Variants in SPOPL observed in about 807,000 individuals in gnomAD.
The protein encoded by SPOPL is speckle-type POZ protein-like.
In SPOPL, 23 loss-of-function variants were observed where a neutral mutation model predicts 53.8. That is an observed-to-expected ratio of 0.43 (90% confidence interval 0.31 to 0.61). The LOEUF (loss-of-function observed/expected upper bound fraction) is 0.61. Ranked by LOEUF, SPOPL falls within the 20% of genes least tolerant of loss-of-function variation. SPOPL has a pLI of 0.12. For missense variants in SPOPL, 442 were observed against 466.9 expected (o/e 0.95, Z 0.49); for synonymous variants, 164 against 149.7 (o/e 1.10, Z -0.70).
At chr2:138,516,391 G>A (rs1684438344) in intron 1 of SPOPL, among the ~76,000 whole-genome samples, 1 of 152,186 alleles carries the variant, frequency 6.6e-6, no homozygotes, top group Non-Finnish European at 1.5e-5. Context: ...TTAAATTGAT[G>A]ACAGAACAGG....
intron 1 of SPOPL, among the ~76,000 whole-genome samples, chr2:138,542,723 T>C (rs1258930411): frequency 1.3e-5 from 2 of 152,224 alleles, no homozygotes; most frequent in Non-Finnish European, 1.5e-5. Context: ...TTGGAGCATT[T>C]AGCCCATTTA....
intron 4 of SPOPL, among the ~76,000 whole-genome samples, chr2:138,551,689 C>A (rs1204027384): frequency 6.6e-6 from 1 of 152,018 alleles, no homozygotes; most frequent in African/African-American, 2.4e-5. Flanking sequence ...AGAAAATTCA[C>A]ATTCACATAC....
intron 4 of SPOPL, 108 bp downstream of exon 4, chr2:138,551,162 C>A: frequency 7.9e-7 from 1 of 1,262,318 alleles, no homozygotes; most frequent in Non-Finnish European, 1.1e-6. Context: ...CTAAAATCTG[C>A]TTAACCTGAA....
Position 138,522,656 on chromosome 2 carries a change from T to C in SPOPL, c.-61+20537T>C, listed in dbSNP as rs186041667. Among the ~76,000 whole-genome samples the C allele has an allele frequency of 5.3e-5, 8 of 152,306 alleles. No homozygotes were observed. The East Asian group carries it at 1.5e-3, about 29-fold the overall frequency. ...TCAGCTGTTGCCATTACTGCATCTT[T>C]AACCACCCCCTCTTCTTGCCCCTGC... On this transcript the variant is annotated intron_variant, in intron 1 of 10. Coordinates refer to ENST00000280098, the MANE Select transcript of SPOPL (RefSeq NM_001001664.3).
intron 1 of SPOPL, among the ~76,000 whole-genome samples, chr2:138,523,274 A>G (rs947922300): frequency 6.6e-6 from 1 of 152,180 alleles, no homozygotes; most frequent in African/African-American, 2.4e-5. Flanking sequence ...ATGAGATCTC[A>G]TGAGACTTAC....
chr2:138,540,543 T>C (rs1685047440), intron 1 of SPOPL, among the ~76,000 whole-genome samples: 1 of 151,026 alleles, frequency 6.6e-6, no homozygotes, highest in South Asian at 2.1e-4. Context: ...TTTGGTTCTC[T>C]GTCTGTTATT....
chr2:138,527,714 A>G lies in SPOPL; in HGVS notation c.-60-22443A>G, dbSNP rs540085047. On this transcript the variant is annotated intron_variant, in intron 1 of 10. Coordinates refer to ENST00000280098, the MANE Select transcript of SPOPL (RefSeq NM_001001664.3). ...CTCTTTTATCTATTAGTTTTCCCCAAATGTCTGTTATCCTTGGCTTTCCGT... is the reference window on the plus strand; with the variant it reads ...CTCTTTTATCTATTAGTTTTCCCCAGATGTCTGTTATCCTTGGCTTTCCGT... 3.3e-4 allele frequency among the ~76,000 whole-genome samples: 50 copies of G among 152,126 alleles called. 1 individual carries two copies. In the South Asian group the frequency reaches 7.7e-3, roughly 23 times the overall value.
At chr2:138,513,319 C>T (rs1419004713) in intron 1 of SPOPL, among the ~76,000 whole-genome samples, 1 of 152,078 alleles carries the variant, frequency 6.6e-6, no homozygotes, top group African/African-American at 2.4e-5. Context: ...TTTGGGAGGC[C>T]GAGGCCGGTG....
At chr2:138,523,813 T>C (rs1684610405) in intron 1 of SPOPL, among the ~76,000 whole-genome samples, 1 of 152,204 alleles carries the variant, frequency 6.6e-6, no homozygotes, top group Non-Finnish European at 1.5e-5. Flanking sequence ...GTTCTGCCCC[T>C]GTGGTTTTGC....
intron 1 of SPOPL, among the ~76,000 whole-genome samples, chr2:138,514,508 C>A (rs1419714613): frequency 6.6e-6 from 1 of 152,166 alleles, no homozygotes; most frequent in East Asian, 1.9e-4. Context: ...TTCACAGATT[C>A]AAGCATGTTG....
At chr2:138,562,522 C>T (rs1474100597) in intron 8 of SPOPL, among the ~76,000 whole-genome samples, 17 of 152,054 alleles carry the variant, frequency 1.1e-4, no homozygotes, top group African/African-American at 3.4e-4. Flanking sequence ...TGGTGGCTCA[C>T]GCCTGTAATC....
At chr2:138,545,797 A>C (rs560905219) in intron 1 of SPOPL, among the ~76,000 whole-genome samples, 4 of 152,158 alleles carry the variant, frequency 2.6e-5, no homozygotes, top group Admixed American at 2.6e-4. Flanking sequence ...TGACCATTTC[A>C]CCAGCTATTC....
intron 1 of SPOPL, among the ~76,000 whole-genome samples, chr2:138,538,951 G>A (rs1428062278): frequency 2.0e-5 from 3 of 151,776 alleles, no homozygotes; most frequent in Admixed American, 6.6e-5. Flanking sequence ...TCCTGTGTTC[G>A]TGTGTTCTCA....
chr2:138,528,735 T>G lies in SPOPL; in HGVS notation c.-60-21422T>G, dbSNP rs535832275. ...GTTCTGGGTTATTAAAACTAAGCATTATCTGTTACTTACATGCTGGAAAGG... is the reference window on the plus strand; with the variant it reads ...GTTCTGGGTTATTAAAACTAAGCATGATCTGTTACTTACATGCTGGAAAGG... On this transcript the variant is annotated intron_variant, in intron 1 of 10. Transcript: ENST00000280098. 9.8e-5 allele frequency among the ~76,000 whole-genome samples: 15 copies of G among 152,350 alleles called. 1 individual carries two copies. The South Asian group carries it at 3.1e-3, about 32-fold the overall frequency.
rs139034815 is a variant in SPOPL, at chr2:138,569,068, A to G, written c.1167A>G (p.Leu389=). 5.6e-6 allele frequency: 9 copies of G among 1,612,972 alleles called. No homozygotes were observed. In the East Asian group the frequency reaches 1.1e-4, roughly 20 times the overall value. Residue 389 remains leucine, a synonymous_variant, in exon 11 of 11, where the codon CTA becomes CTG. Coordinates refer to ENST00000280098, the MANE Select transcript of SPOPL (RefSeq NM_001001664.3). ...CPQFGIPRKR[L]KQS The stretch of plus-strand genomic sequence containing the variant: ...AGTTTGGCATTCCACGCAAACGGCT[A>G]AAACAGTCCTGAAATCTTCCATGAA...
intron 1 of SPOPL, among the ~76,000 whole-genome samples, chr2:138,549,206 G>A (rs1389724423): frequency 6.6e-6 from 1 of 151,846 alleles, no homozygotes; most frequent in Non-Finnish European, 1.5e-5. Flanking sequence ...TATAGTTTGG[G>A]GCTCTATTAT....
chr2:138,563,575 A>G (rs1685597338), intron 8 of SPOPL, among the ~76,000 whole-genome samples: 1 of 152,230 alleles, frequency 6.6e-6, no homozygotes, highest in Non-Finnish European at 1.5e-5. Context: ...AATGGCTAAA[A>G]GTACAAAGAC....
At chr2:138,563,811 A>G (rs1685602432) in intron 8 of SPOPL, among the ~76,000 whole-genome samples, 2 of 152,210 alleles carry the variant, frequency 1.3e-5, no homozygotes, top group South Asian at 4.1e-4. Flanking sequence ...CCATACAGAC[A>G]CTTGTATATG....
chr2:138,565,020 A>C lies in SPOPL; in HGVS notation c.1034+27A>C, dbSNP rs1431702207. On this transcript the variant is annotated intron_variant, in intron 10 of 10. Transcript: ENST00000280098. Reference sequence around the variant, plus strand: ...TAAGATGACATCAGTTTCTGACTCAAAGTTGCTCTACATAAGTGAGATTAA... The same window carrying C: ...TAAGATGACATCAGTTTCTGACTCACAGTTGCTCTACATAAGTGAGATTAA... The C allele has an allele frequency of 3.7e-6, 6 of 1,613,180 alleles. No homozygotes were observed. The Admixed American group carries it at 8.3e-5, about 22-fold the overall frequency.
Sources: allele counts gnomAD v4.1 joint callset (sites outside exome capture counted in the v4.1 genomes callset), GRCh38; gene constraint gnomAD v4.1.1; transcripts MANE v1.5; gene names NCBI Gene and HGNC (gene_info 2026-07-23, HGNC 2026-07-21).